The following ZRANB3 variants were observed in gnomAD, a reference collection of about 807,000 sequenced individuals.
ZRANB3 encodes the protein DNA annealing helicase and endonuclease ZRANB3.
Under a neutral mutation model 133.8 loss-of-function variants are expected in ZRANB3, and 125 were observed. That is an observed-to-expected ratio of 0.93 (90% CI 0.81 to 1.08). The LOEUF (loss-of-function observed/expected upper bound fraction) is 1.08. ZRANB3 is among the 50% of genes least tolerant of loss of function. The pLI is 0.00. For missense variants in ZRANB3, 1,229 were observed against 1,275.5 expected (o/e 0.96, Z 0.56); for synonymous variants, 387 against 432.7 (o/e 0.89, Z 1.31).
intron 17 of ZRANB3, among the ~76,000 whole-genome samples, chr2:135,217,173 C>T (rs1311366787): frequency 6.6e-6 from 1 of 152,058 alleles, no homozygotes; most frequent in African/African-American, 2.4e-5. Context: ...AATAAGTGTC[C>T]CAGGCTTGGC....
chr2:135,455,148 T>G (rs1284668944), intron 2 of ZRANB3, among the ~76,000 whole-genome samples: 3 of 147,600 alleles, frequency 2.0e-5, no homozygotes, highest in East Asian at 2.0e-4. Flanking sequence ...GGCCACTGAA[T>G]GGGATCACAA....
chr2:135,441,609 A>T (rs1357735711), intron 2 of ZRANB3, among the ~76,000 whole-genome samples: 1 of 152,016 alleles, frequency 6.6e-6, no homozygotes, highest in Non-Finnish European at 1.5e-5. Flanking sequence ...TTATAACACT[A>T]TATTCTTACA....
At chr2:135,358,497 TG>T (rs2104883459) in intron 3 of ZRANB3, among the ~76,000 whole-genome samples, 1 of 152,338 alleles carries the variant, frequency 6.6e-6, no homozygotes, top group East Asian at 1.9e-4. Context: ...GTATTATTTT[TG>T]TTAGGTTTTC....
At chr2:135,420,378 C>T (rs960043956) in intron 2 of ZRANB3, among the ~76,000 whole-genome samples, 4 of 151,852 alleles carry the variant, frequency 2.6e-5, no homozygotes, top group East Asian at 1.9e-4. Flanking sequence ...TAGACATCAC[C>T]GTGGCTGAAA....
intron 1 of ZRANB3, among the ~76,000 whole-genome samples, chr2:135,528,901 C>T (rs982847247): frequency 1.3e-5 from 2 of 152,100 alleles, no homozygotes; most frequent in Non-Finnish European, 1.5e-5. Flanking sequence ...AAGAGGAAAA[C>T]GTGCTTATTT....
intron 3 of ZRANB3, among the ~76,000 whole-genome samples, chr2:135,370,587 AG>A (rs1158864245): frequency 6.6e-6 from 1 of 152,220 alleles, no homozygotes; most frequent in Non-Finnish European, 1.5e-5. Flanking sequence ...AGTAAAAGTT[AG>A]ATTAATCAAT....
chr2:135,329,545 C>CT (rs1340223455), intron 6 of ZRANB3, among the ~76,000 whole-genome samples: 5 of 152,148 alleles, frequency 3.3e-5, no homozygotes, highest in Non-Finnish European at 5.9e-5. Context: ...AATGCAGACT[C>CT]TTTTTTGGTT....
chr2:135,409,476 A>G (rs532330153), intron 2 of ZRANB3, among the ~76,000 whole-genome samples: 1 of 152,288 alleles, frequency 6.6e-6, no homozygotes, highest in African/African-American at 2.4e-5. Context: ...ATTAGGCATC[A>G]GGGATATACC....
chr2:135,474,053 T>C (rs905049394), intron 2 of ZRANB3, among the ~76,000 whole-genome samples: 3 of 151,948 alleles, frequency 2.0e-5, no homozygotes, highest in African/African-American at 4.8e-5. Context: ...TAGCAGGGTG[T>C]GGTGGCTTGC....
chr2:135,530,615 T>C (rs1022809255), intron 1 of ZRANB3: 1 of 152,146 alleles, frequency 6.6e-6, no homozygotes. Flanking sequence ...CGGGACAACG[T>C]GAAAGTAGAT....
chr2:135,271,188 G>A lies in ZRANB3; in HGVS notation c.1206+580C>T, dbSNP rs1328199156. On this transcript the variant is annotated intron_variant, in intron 10 of 20. Transcript: ENST00000264159. Reference sequence around the variant, plus strand: ...GTGGTAAAGCAGAAAGCGAGAAGGGGTATAGGTCCTAAGGACTTTGTGCAA... The same window carrying A: ...GTGGTAAAGCAGAAAGCGAGAAGGGATATAGGTCCTAAGGACTTTGTGCAA... 5.4e-5 allele frequency: 20 copies of A among 371,740 alleles called. No individual in the cohort carries two copies. The Admixed American group carries it at 6.5e-4, about 12-fold the overall frequency. 23.0% of individuals were successfully genotyped at this position (371,740 alleles called of 1,614,324 possible).
rs1256946420 is a variant in ZRANB3, at chr2:135,350,196, C to T, written c.379G>A (p.Val127Met). The T allele has an allele frequency of 9.4e-6, 15 of 1,595,620 alleles. No individual in the cohort carries two copies. Among genetic ancestry groups the T allele is most frequent in the Non-Finnish European group, 1.3e-5 (15 of 1,170,056 alleles). The change falls in exon 5 of 21, where the codon GTG becomes ATG. Residue 127 changes from valine to methionine, a missense_variant. By Grantham distance (21) the Val-to-Met change is conservative. Transcript: ENST00000264159. ...AAGAGACCATAACCCAGAACTGTCA[C>T]TTTACTGGTCGACATTCTCCTAGAA... ...TDVRRMSTSK[V>M]TVLGYGLLTA...
chr2:135,340,166 C>T (rs1163108870), intron 6 of ZRANB3, among the ~76,000 whole-genome samples: 4 of 148,318 alleles, frequency 2.7e-5, no homozygotes, highest in Admixed American at 6.8e-5. Flanking sequence ...AGGGCAATGG[C>T]GCGATCTCGG....
intron 2 of ZRANB3, among the ~76,000 whole-genome samples, chr2:135,411,948 C>T (rs1326734326): frequency 1.3e-5 from 2 of 152,102 alleles, no homozygotes; most frequent in Admixed American, 6.6e-5. Context: ...CCTTCTTCTG[C>T]CTCTGAATAA....
Position 135,353,479 on chromosome 2 carries a change from G to C in ZRANB3, c.330C>G (p.Ile110Met). 1 of 1,599,956 alleles carries C rather than the reference G, an allele frequency of 6.3e-7. No homozygotes were observed. ...CATCAGTTTTATTCTGAATAACATT[G>C]ATTTCTTCTGGACTTAGCTCTGGGA... ...KWIPELSPEE[I>M]NVIQNKTDVR... The change falls in exon 4 of 21, where the codon ATC (isoleucine) becomes ATG (methionine). Residue 110 changes from isoleucine to methionine, a missense_variant. Coordinates refer to ENST00000264159, the MANE Select transcript of ZRANB3 (RefSeq NM_032143.4).
At chr2:135,378,263 C>T (rs1300056242) in intron 3 of ZRANB3, among the ~76,000 whole-genome samples, 1 of 152,168 alleles carries the variant, frequency 6.6e-6, no homozygotes, top group Non-Finnish European at 1.5e-5. Context: ...GAGGCTGAAG[C>T]AGGCGGATCA....
intron 3 of ZRANB3, among the ~76,000 whole-genome samples, chr2:135,378,486 C>T (rs76847174): frequency 0.17 from 23,134 of 138,264 alleles, 2,617 homozygotes; most frequent in East Asian, 0.47. Context: ...AGTGAGACTC[C>T]ATCTCAAAAA....
chr2:135,353,620 T>C lies in ZRANB3; in HGVS notation c.189A>G (p.Leu63=). The change falls in exon 4 of 21, where the codon CTA becomes CTG. Residue 63 remains leucine, a synonymous_variant. Coordinates refer to ENST00000264159, the MANE Select transcript of ZRANB3 (RefSeq NM_032143.4). ...GRCMVADEMG[L]GKTIQAIGIT... is the part of the protein sequence containing the mutation. ...TTCCAATTGCCTGGATTGTCTTTCCTAGACCCATCTAAATTAAAAAATAAA... is the reference window on the plus strand; with the variant it reads ...TTCCAATTGCCTGGATTGTCTTTCCCAGACCCATCTAAATTAAAAAATAAA... The C allele has an allele frequency of 6.7e-7, 1 of 1,498,086 alleles. No individual in the cohort carries two copies. The highest frequency in any genetic ancestry group is 1.4e-5 in the African/African-American group (1 of 70,406). 92.8% of individuals were successfully genotyped at this position (1,498,086 alleles called of 1,614,324 possible). A position where few individuals can be genotyped will look rare whatever the true frequency, so the allele number is the denominator to read the frequency against.
At chr2:135,267,881 G>C (rs1022598714) in intron 11 of ZRANB3, among the ~76,000 whole-genome samples, 2 of 152,016 alleles carry the variant, frequency 1.3e-5, no homozygotes, top group South Asian at 2.1e-4. Context: ...CTTTTGGGAG[G>C]TGATTGGGTC....
Sources: gnomAD v4.1 joint callset for allele counts (sites outside exome capture counted in the v4.1 genomes callset) on GRCh38, gnomAD v4.1.1 for gene constraint, MANE v1.5 for transcripts, NCBI Gene and HGNC (gene_info 2026-07-23, HGNC 2026-07-21) for gene names.